Variants in ARAP2 observed in about 807,000 individuals in gnomAD.
ARAP2 encodes arf-GAP with Rho-GAP domain, ANK repeat and PH domain-containing protein 2.
Under a neutral mutation model 194.5 loss-of-function variants are expected in ARAP2, and 148 were observed. That is an observed-to-expected ratio of 0.76 (90% CI 0.67 to 0.87). The LOEUF (loss-of-function observed/expected upper bound fraction) is 0.87. Among genes scored for constraint, ARAP2 ranks in the 40% least tolerant of loss-of-function variants. The pLI is 0.00. For missense variants in ARAP2, 2,128 were observed against 1,989.7 expected (o/e 1.07, Z -1.32); for synonymous variants, 695 against 683.5 (o/e 1.02, Z -0.26).
intron 8 of ARAP2, among the ~76,000 whole-genome samples, chr4:36,180,088 C>G (rs139416587): frequency 1.3e-5 from 2 of 152,118 alleles, no homozygotes; most frequent in African/African-American, 2.4e-5. Context: ...GCCTGGCCAA[C>G]ATGGTGACAC....
chr4:36,239,511 T>C (rs995047762), intron 1 of ARAP2, among the ~76,000 whole-genome samples: 1 of 152,148 alleles, frequency 6.6e-6, no homozygotes, highest in Non-Finnish European at 1.5e-5. Context: ...GTCATTATGC[T>C]AAGTGAAAAA....
chr4:36,159,448 T>G lies in ARAP2; in HGVS notation c.2500A>C (p.Ser834Arg). The change falls in exon 14 of 33, where the codon AGT (serine) becomes CGT (arginine). Residue 834 changes from serine (S) to arginine (R), a missense_variant. By Grantham distance (110) the Ser-to-Arg change is moderately radical (BLOSUM62 -1). Transcript: ENST00000303965. ...GTGGCACACATGACATCTGCTCCAC[T>G]GAACAGCAAAGCCATTGTTTCTAGA... Reference protein sequence around the residue: ...DVLETMALLFSGADVMCATGD... With the variant: ...DVLETMALLFRGADVMCATGD... 6.2e-7 allele frequency: 1 copy of G among 1,601,258 alleles called. No homozygotes were observed. Among genetic ancestry groups the G allele is most frequent in the Non-Finnish European group, 8.5e-7 (1 of 1,171,844 alleles).
intron 2 of ARAP2, among the ~76,000 whole-genome samples, chr4:36,226,363 G>A (rs918266889): frequency 6.6e-6 from 1 of 152,062 alleles, no homozygotes; most frequent in Non-Finnish European, 1.5e-5. Flanking sequence ...AAAATAACAG[G>A]TGTAAAAAGA....
chr4:36,062,692 A>C (rs1298111419), downstream of ARAP2, among the ~76,000 whole-genome samples: 1 of 151,898 alleles, frequency 6.6e-6, no homozygotes, highest in African/African-American at 2.4e-5. Flanking sequence ...AAAGTCAACA[A>C]GTTAACATTC....
chr4:36,071,705 T>C (rs1438401272), intron 32 of ARAP2, among the ~76,000 whole-genome samples: 6 of 151,590 alleles, frequency 4.0e-5, no homozygotes, highest in African/African-American at 1.4e-4. Flanking sequence ...TTTTTTTCTT[T>C]TTTTTTTATT....
At chr4:36,029,478 G>T (rs571667347) in intron 5 of ARAP2, among the ~76,000 whole-genome samples, 1 of 151,822 alleles carries the variant, frequency 6.6e-6, no homozygotes, top group African/African-American at 2.4e-5. Flanking sequence ...GTCCACCCCC[G>T]TGGTTTCAGT....
At chr4:36,236,877 T>C (rs1382666378) in intron 1 of ARAP2, among the ~76,000 whole-genome samples, 2 of 152,226 alleles carry the variant, frequency 1.3e-5, no homozygotes, top group African/African-American at 2.4e-5. Flanking sequence ...TGATTTTTAC[T>C]CCTTCAATTC....
intron 15 of ARAP2, among the ~76,000 whole-genome samples, chr4:36,153,478 G>T (rs1731490118): frequency 6.6e-6 from 1 of 152,132 alleles, no homozygotes; most frequent in South Asian, 2.1e-4. Context: ...TGGGGCCACA[G>T]AATGAATGAC....
At chr4:36,116,925 T>G in intron 25 of ARAP2, 136 bp downstream of exon 25, 1 of 453,834 alleles carries the variant, frequency 2.2e-6, no homozygotes, top group Non-Finnish European at 3.7e-6. Flanking sequence ...GATATCACTA[T>G]AAAAAGTCTA....
intron 6 of ARAP2, among the ~76,000 whole-genome samples, chr4:36,202,498 A>G (rs1262208102): frequency 3.3e-5 from 5 of 152,058 alleles, no homozygotes; most frequent in South Asian, 2.1e-4. Flanking sequence ...ATGAGAAGAA[A>G]AAAAAAAAGG....
chr4:36,075,955 G>A (rs940850906), intron 31 of ARAP2, among the ~76,000 whole-genome samples: 2 of 152,038 alleles, frequency 1.3e-5, no homozygotes, highest in Admixed American at 1.3e-4. Flanking sequence ...CTTTGCCTCT[G>A]CCCTTACACT....
chr4:36,053,536 T>C (rs1169189831), intron 2 of ARAP2, among the ~76,000 whole-genome samples: 1 of 152,178 alleles, frequency 6.6e-6, no homozygotes, highest in African/African-American at 2.4e-5. Context: ...TGCTGCACTT[T>C]TCTAAAAGTG....
At chr4:36,236,531 C>T (rs1752490786) in intron 1 of ARAP2, among the ~76,000 whole-genome samples, 1 of 152,074 alleles carries the variant, frequency 6.6e-6, no homozygotes, top group African/African-American at 2.4e-5. Flanking sequence ...AAGTTAGAAA[C>T]TTTGTGAGAA....
At chr4:36,190,955 A>AT (rs1741753144) in intron 7 of ARAP2, among the ~76,000 whole-genome samples, 1 of 152,258 alleles carries the variant, frequency 6.6e-6, no homozygotes, top group African/African-American at 2.4e-5. Flanking sequence ...AACTAGACCA[A>AT]TAAGTGCTCT....
chr4:36,057,461 TC>T lies in ARAP2; in HGVS notation n.321+508del, dbSNP rs59601211. ...GGTCATTTTCTCCTCCAATATTGCC[TC>T]CTCCCAATTTTCTAGATAACACATT... On this transcript the variant is annotated intron_variant and non_coding_transcript_variant, in intron 2 of 12. Coordinates refer to the ARAP2 transcript ENST00000503225. Among the ~76,000 whole-genome samples, 1,153 of 152,160 alleles carry T rather than the reference TC, an allele frequency of 7.6e-3. 21 individuals are homozygous for T. The highest frequency in any genetic ancestry group is 0.026 in the African/African-American group (1,097 of 41,546).
intron 1 of ARAP2, among the ~76,000 whole-genome samples, chr4:36,240,066 C>T (rs67611098): frequency 0.059 from 8,980 of 152,116 alleles, 452 homozygotes; most frequent in Admixed American, 0.12. Flanking sequence ...ATTTAACTTC[C>T]CTGAAGCTTG....
At chr4:36,176,156 T>C (rs1737859114) in intron 9 of ARAP2, among the ~76,000 whole-genome samples, 2 of 152,186 alleles carry the variant, frequency 1.3e-5, no homozygotes, top group South Asian at 4.1e-4. Flanking sequence ...AGTTATACTG[T>C]TCCGGTTTTA....
At chr4:36,064,679 G>C (rs1457926865), downstream of ARAP2, among the ~76,000 whole-genome samples, 1 of 152,182 alleles carries the variant, frequency 6.6e-6, no homozygotes, top group Non-Finnish European at 1.5e-5. Flanking sequence ...CAGGATAGGA[G>C]CTCTGGTGAC....
intron 1 of ARAP2, among the ~76,000 whole-genome samples, chr4:36,237,051 A>G (rs1490021770): frequency 6.6e-6 from 1 of 152,202 alleles, no homozygotes; most frequent in East Asian, 1.9e-4. Flanking sequence ...TTAACTGCCC[A>G]AGAGTTAAGA....
Sources: allele counts gnomAD v4.1 joint callset (sites outside exome capture counted in the v4.1 genomes callset), GRCh38; gene constraint gnomAD v4.1.1; transcripts MANE v1.5; gene names NCBI Gene and HGNC (gene_info 2026-07-23, HGNC 2026-07-21).